Variants in HSPG2 observed in about 807,000 individuals in gnomAD.
The protein encoded by HSPG2 is basement membrane-specific heparan sulfate proteoglycan core protein.
Under a neutral mutation model 526.6 loss-of-function variants are expected in HSPG2, and 278 were observed. That is an observed-to-expected ratio of 0.53 (90% confidence interval 0.48 to 0.58). HSPG2 has a LOEUF of 0.58. Among genes scored for constraint, HSPG2 ranks in the 20% least tolerant of loss-of-function variants. HSPG2 has a pLI of 0.00. For missense variants in HSPG2, 5,354 were observed against 6,099.5 expected, an observed-to-expected ratio of 0.88 and a Z score of 4.07; for synonymous variants, 2,465 against 2,555.4, an observed-to-expected ratio of 0.96 and a Z score of 1.07.
chr1:21,830,864 A>C, intron 85 of HSPG2, 118 bp downstream of exon 85: 4 of 692,712 alleles, frequency 5.8e-6, no homozygotes, highest in Non-Finnish European at 1.0e-5. Flanking sequence ...GAGAGTGCTC[A>C]GGTGAGAGTG....
At position 21,855,601 on chromosome 1, in the gene HSPG2, T is replaced by C; in HGVS notation, c.5776A>G (p.Thr1926Ala). 1 of 1,584,850 alleles carries C rather than the reference T, an allele frequency of 6.3e-7. No individual in the cohort carries two copies. The highest frequency in any genetic ancestry group is 8.6e-7 in the Non-Finnish European group (1 of 1,167,814). ...GILRLPAVEP[T>A]DQAQYLCRAH... ...CGGCACAAGTACTGGGCCTGATCCG[T>C]GGGCTCGACAGCTGGCAGGCGCAGG... Residue 1926 changes from threonine to alanine, a missense_variant, in exon 46 of 97, where the codon ACG (threonine) becomes GCG (alanine). Physicochemically the swap from Thr to Ala is moderately conservative, Grantham distance 58 (BLOSUM62 0). Coordinates refer to ENST00000374695, the MANE Select transcript of HSPG2 (RefSeq NM_005529.7).
rs747645588 is a variant in HSPG2, at chr1:21,842,903, G to C, written c.8777C>G (p.Pro2926Arg). ...TGAAGAGGAGGCCTCGATGTAGATG[G>C]GCTGGGCCAGTCCTGGAGCTGTGGG... The part of the protein sequence containing the change: ...GPIPAPGLAQ[P>R]IYIEASSSHV... The change falls in exon 67 of 97, where the codon CCC becomes CGC. Residue 2926 changes from proline to arginine, a missense_variant. Transcript: ENST00000374695. The C allele has an allele frequency of 6.8e-6, 11 of 1,614,152 alleles. No individual in the cohort carries two copies. The Admixed American group carries it at 1.7e-4, about 24-fold the overall frequency.
intron 1 of HSPG2, among the ~76,000 whole-genome samples, chr1:21,896,661 G>T (rs763864457): frequency 6.6e-6 from 1 of 152,170 alleles, no homozygotes; most frequent in African/African-American, 2.4e-5. Context: ...GGATGCGGGC[G>T]GGTAAAGGGG....
In HSPG2 at chr1:21,851,929, G is replaced by C; in HGVS notation, c.6871-3C>G. On this transcript the variant is annotated splice_polypyrimidine_tract_variant and splice_region_variant and intron_variant, in intron 53 of 96. Coordinates refer to ENST00000374695, the MANE Select transcript of HSPG2 (RefSeq NM_005529.7). ...ATGTACAGGCGGGAGCCACGAACCT[G>C]GGCAGCCGTGGGCAGAGGTGTGAGG... is the stretch of plus-strand genomic sequence containing the variant. 2.5e-6 allele frequency: 4 copies of C among 1,600,434 alleles called. No individual in the cohort carries two copies. The highest frequency in any genetic ancestry group is 3.4e-6 in the Non-Finnish European group (4 of 1,173,918).
At position 21,890,028 on chromosome 1, in the gene HSPG2, G is replaced by C. The variant is rs1642237194; in HGVS notation, c.527C>G (p.Ser176Cys). 6.2e-7 allele frequency: 1 copy of C among 1,613,990 alleles called. No homozygotes were observed. Among genetic ancestry groups the C allele is most frequent in the African/African-American group, 1.3e-5 (1 of 74,894 alleles). Residue 176 changes from serine (S) to cysteine (C), a missense_variant, in exon 6 of 97, where the codon TCC (serine) becomes TGC (cysteine). Physicochemically the swap from Ser to Cys is moderately radical, Grantham distance 112. Coordinates refer to ENST00000374695, the MANE Select transcript of HSPG2 (RefSeq NM_005529.7). The surrounding 1 kb of genome is among the most constrained non-coding windows in gnomAD (Gnocchi z 4.1). ...GAATCCCTGGGGAGAGGTGACGTAG[G>C]AGGCCACAGAGCCGCTGGAGATGAC... ...LRVISSGSVA[S>C]YVTSPQGFQF...
At chr1:21,923,525 G>A (rs1424096083) in intron 1 of HSPG2, among the ~76,000 whole-genome samples, 2 of 152,140 alleles carry the variant, frequency 1.3e-5, no homozygotes, top group Admixed American at 6.5e-5. Context: ...CTGCTGCTGT[G>A]GGCCCTCCCC....
intron 25 of HSPG2, 46 bp from the exon 26 acceptor site, chr1:21,875,048 C>A (rs755650742): frequency 2.2e-6 from 3 of 1,389,504 alleles, no homozygotes; most frequent in Non-Finnish European, 3.0e-6. Context: ...TGGCTCTGTG[C>A]CAGGCACGCC....
In HSPG2 at chr1:21,874,706, G is replaced by A; in HGVS notation, c.3438C>T (p.Arg1146=). The change falls in exon 27 of 97, where the codon CGC becomes CGT. Residue 1146 remains arginine (R), a synonymous_variant. Coordinates refer to ENST00000374695, the MANE Select transcript of HSPG2 (RefSeq NM_005529.7). Reference sequence around the variant, plus strand: ...TACCCAGGTAGAGGCCACTGGGCGTGCGTGTGTAGCCTGTGTCACAGTCCT... The same window carrying A: ...TACCCAGGTAGAGGCCACTGGGCGTACGTGTGTAGCCTGTGTCACAGTCCT... ...SCQDCDTGYT[R]TPSGLYLGTC... is the part of the protein sequence containing the mutation. 1 of 1,607,512 alleles carries A rather than the reference G, an allele frequency of 6.2e-7. No individual in the cohort carries two copies. Among genetic ancestry groups the A allele is most frequent in the South Asian group, 1.1e-5 (1 of 89,984 alleles).
intron 1 of HSPG2, among the ~76,000 whole-genome samples, chr1:21,934,574 G>T: frequency 6.8e-6 from 1 of 147,596 alleles, no homozygotes; most frequent in East Asian, 2.0e-4. Flanking sequence ...TTTGAGACCA[G>T]CCTGGGCAAC....
intron 1 of HSPG2, among the ~76,000 whole-genome samples, chr1:21,896,564 A>G (rs1557805181): frequency 2.0e-5 from 3 of 152,204 alleles, no homozygotes; most frequent in African/African-American, 7.2e-5. Context: ...AAAGCAGACA[A>G]TAAAATGTAA....
intron 1 of HSPG2, among the ~76,000 whole-genome samples, chr1:21,914,298 A>G (rs1379444887): frequency 6.6e-6 from 1 of 152,110 alleles, no homozygotes; most frequent in Non-Finnish European, 1.5e-5. Context: ...TTCCCTGGGT[A>G]TGGAGGGTGA....
At chr1:21,901,404 G>A (rs1643096236) in intron 1 of HSPG2, among the ~76,000 whole-genome samples, 1 of 152,144 alleles carries the variant, frequency 6.6e-6, no homozygotes, top group South Asian at 2.1e-4. Context: ...CGGAGTGTGA[G>A]GTGTGGGCTC....
At chr1:21,912,188 T>G (rs1643716155) in intron 1 of HSPG2, among the ~76,000 whole-genome samples, 1 of 152,212 alleles carries the variant, frequency 6.6e-6, no homozygotes, top group Non-Finnish European at 1.5e-5. Flanking sequence ...GTTTCCTAGC[T>G]GTGTGGCCCT....
chr1:21,868,881 T>C, intron 33 of HSPG2: 12 of 961,400 alleles, frequency 1.2e-5, no homozygotes, highest in Non-Finnish European at 1.5e-5. Flanking sequence ...CAAATCCTTG[T>C]TACCTTGTCC....
intron 9 of HSPG2, among the ~76,000 whole-genome samples, 183 bp from the exon 10 acceptor site, chr1:21,885,634 C>T (rs989083728): frequency 1.3e-5 from 2 of 152,184 alleles, no homozygotes; most frequent in Admixed American, 6.5e-5. Flanking sequence ...CATCGAACCA[C>T]TCATCACATT....
chr1:21,870,385 CT>C, intron 33 of HSPG2: 3 of 699,418 alleles, frequency 4.3e-6, no homozygotes, highest in Non-Finnish European at 5.3e-6. Context: ...GGGCAGGGTC[CT>C]CTACCCACGG....
intron 1 of HSPG2, among the ~76,000 whole-genome samples, chr1:21,907,163 A>T (rs1341867030): frequency 6.6e-6 from 1 of 152,136 alleles, no homozygotes; most frequent in Non-Finnish European, 1.5e-5. Flanking sequence ...GCACCCAGTC[A>T]TTCCTGGTCC....
rs759184804 is a variant in HSPG2 at position 21,864,799 on chromosome 1, C to G, written c.4626+44G>C. The G allele has an allele frequency of 1.1e-5, 16 of 1,513,366 alleles. No homozygotes were observed. The highest frequency in any genetic ancestry group is 1.5e-5 in the Non-Finnish European group (16 of 1,102,784). 93.7% of individuals were successfully genotyped at this position (1,513,366 alleles called of 1,614,324 possible). A position where few individuals can be genotyped will look rare whatever the true frequency, so the allele number is the denominator to read the frequency against. On this transcript the variant is annotated intron_variant, in intron 36 of 96. Coordinates refer to ENST00000374695, the MANE Select transcript of HSPG2 (RefSeq NM_005529.7). The surrounding 1 kb of genome is among the most constrained non-coding windows in gnomAD (Gnocchi z 4.8). ...ACGCCGGCTGATTTGCTTGCTGATG[C>G]CTCTGTGCCTGTGCAGAGGTGGTGG...
At chr1:21,929,914 C>CT (rs2152804378) in intron 1 of HSPG2, among the ~76,000 whole-genome samples, 1 of 152,326 alleles carries the variant, frequency 6.6e-6, no homozygotes. Context: ...GGGTCACGGC[C>CT]TCCTTGCCTT....
Sources: gnomAD v4.1 joint callset for allele counts (sites outside exome capture counted in the v4.1 genomes callset) on GRCh38, gnomAD v4.1.1 for gene constraint, Gnocchi (gnomAD v3.1) non-coding constraint, MANE v1.5 for transcripts, NCBI Gene and HGNC (gene_info 2026-07-23, HGNC 2026-07-21) for gene names.